RAD51B: variants seen among roughly 807,000 people sequenced by gnomAD.
RAD51B encodes the protein RAD51 paralog B.
A neutral mutation model predicts 42.2 loss-of-function variants in RAD51B; 38 were observed. That is an observed-to-expected ratio of 0.90 (90% CI 0.70 to 1.18). RAD51B has a LOEUF of 1.18. Ranked by LOEUF, RAD51B falls within the 50% of genes most tolerant of loss-of-function variation. The probability of loss-of-function intolerance (pLI) is 0.00; values close to 1 mark genes in which losing one functional copy is unlikely to be tolerated. For missense variants in RAD51B, 373 were observed against 400.7 expected, an observed-to-expected ratio of 0.93 and a Z score of 0.59; for synonymous variants, 154 against 145.2, an observed-to-expected ratio of 1.06 and a Z score of -0.43.
chr14:68,418,903 A>C (rs1465788292), intron 9 of RAD51B, among the ~76,000 whole-genome samples: 1 of 152,236 alleles, frequency 6.6e-6, no homozygotes, highest in East Asian at 1.9e-4. Flanking sequence ...CAAATGAATC[A>C]GCACTTTCAC....
intron 7 of RAD51B, among the ~76,000 whole-genome samples, chr14:68,291,569 A>G (rs1009803904): frequency 1.3e-5 from 2 of 152,344 alleles, no homozygotes; most frequent in East Asian, 1.9e-4. Context: ...TTAGCTGCCT[A>G]TTATTTAACC....
chr14:68,631,710 G>A (rs1892231517), intron 10 of RAD51B, among the ~76,000 whole-genome samples: 1 of 152,172 alleles, frequency 6.6e-6, no homozygotes, highest in Non-Finnish European at 1.5e-5. Flanking sequence ...GGCAGCCTTT[G>A]CACGGTCTGT....
At chr14:68,226,817 A>G (rs932337744) in intron 7 of RAD51B, among the ~76,000 whole-genome samples, 2 of 152,242 alleles carry the variant, frequency 1.3e-5, no homozygotes, top group African/African-American at 2.4e-5. Context: ...GTAGAACCCA[A>G]ATCTCCTGAC....
chr14:68,287,114 C>G (rs1235935924), intron 7 of RAD51B, among the ~76,000 whole-genome samples: 6 of 152,190 alleles, frequency 3.9e-5, no homozygotes, highest in Non-Finnish European at 8.8e-5. Context: ...TGGTTCCCCT[C>G]TATCTCTTTT....
chr14:68,679,634 A>G (rs185572035), intron 11 of RAD51B, among the ~76,000 whole-genome samples: 1 of 152,362 alleles, frequency 6.6e-6, no homozygotes, highest in East Asian at 1.9e-4. Context: ...AGAAGTGATT[A>G]TGGCTTTTCC....
intron 10 of RAD51B, among the ~76,000 whole-genome samples, chr14:68,636,389 C>T (rs566432361): frequency 1.3e-5 from 2 of 152,128 alleles, no homozygotes; most frequent in Non-Finnish European, 2.9e-5. Flanking sequence ...TCGAGACCAG[C>T]CTGGCCAACA....
At chr14:67,837,910 T>G (rs2041300183) in intron 4 of RAD51B, among the ~76,000 whole-genome samples, 1 of 152,222 alleles carries the variant, frequency 6.6e-6, no homozygotes, top group African/African-American at 2.4e-5. Flanking sequence ...CCTGTCTTGC[T>G]ATAATTTTGT....
At chr14:67,981,783 G>A (rs184473451) in intron 7 of RAD51B, among the ~76,000 whole-genome samples, 37 of 152,232 alleles carry the variant, frequency 2.4e-4, no homozygotes, top group Admixed American at 2.0e-3. Flanking sequence ...TAGCAGATGG[G>A]TGGTTACCTA....
intron 8 of RAD51B, among the ~76,000 whole-genome samples, chr14:68,384,426 A>G (rs985698032): frequency 6.6e-6 from 1 of 152,194 alleles, no homozygotes; most frequent in Non-Finnish European, 1.5e-5. Context: ...GCCACCTGGA[A>G]GCAATGACCA....
intron 11 of RAD51B, among the ~76,000 whole-genome samples, chr14:68,676,662 C>T (rs920525748): frequency 1.7e-4 from 26 of 152,352 alleles, no homozygotes; most frequent in African/African-American, 4.8e-5. Flanking sequence ...CCTGCACAGG[C>T]GCTTCTGGAG....
At position 68,252,046 on chromosome 14, in the gene RAD51B, T is replaced by C. The variant is rs929047644; in HGVS notation, c.757-39838T>C. The stretch of plus-strand genomic sequence containing the variant: ...TTTCACAGCCAATAGCCTTTCTTTT[T>C]GAGTCCCTTATTTCTAAAGGGTCTT... On this transcript the variant is annotated intron_variant, in intron 7 of 10. Transcript: ENST00000471583. 4.6e-5 allele frequency among the ~76,000 whole-genome samples: 7 copies of C among 152,332 alleles called. No homozygotes were observed. In the East Asian group the frequency reaches 1.2e-3, roughly 25 times the overall value.
rs2043085464 is a variant in RAD51B, at chr14:67,887,206, TAA to T, written c.756+3_756+4del. ...TTGGCTGAGGAGTTTTCAATCCCAGTAAGTTTTTCTTTTTTTCTCTTTTTTCT... is the reference window on the plus strand; with the variant it reads ...TTGGCTGAGGAGTTTTCAATCCCAGTGTTTTTCTTTTTTTCTCTTTTTTCT... On this transcript the variant is annotated splice_donor_region_variant and intron_variant, in intron 7 of 10. Coordinates refer to ENST00000471583, the MANE Select transcript of RAD51B (RefSeq NM_133510.4). 1 of 1,600,768 alleles carries T rather than the reference TAA, an allele frequency of 6.2e-7. No homozygotes were observed. Among genetic ancestry groups the T allele is most frequent in the South Asian group, 1.1e-5 (1 of 88,062 alleles).
intron 7 of RAD51B, among the ~76,000 whole-genome samples, chr14:68,291,658 G>T (rs1242484840): frequency 6.6e-6 from 1 of 152,192 alleles, no homozygotes; most frequent in Non-Finnish European, 1.5e-5. Flanking sequence ...AAAAAAGTCA[G>T]TCTATTTCCT....
rs532325922 is a variant in RAD51B, at chr14:68,243,887, G to A, written c.757-47997G>A. 9.2e-5 allele frequency among the ~76,000 whole-genome samples: 14 copies of A among 152,234 alleles called. No homozygotes were observed. The South Asian group carries it at 2.9e-3, about 32-fold the overall frequency. The stretch of plus-strand genomic sequence containing the variant: ...TATATGTTGATTTGTAATGAACAGA[G>A]GCTTCCTCTCATTTAATTTTCTGTT... On this transcript the variant is annotated intron_variant, in intron 7 of 10. Transcript: ENST00000471583.
chr14:68,079,311 A>G (rs750500830), intron 7 of RAD51B, among the ~76,000 whole-genome samples: 4 of 152,120 alleles, frequency 2.6e-5, no homozygotes, highest in Non-Finnish European at 5.9e-5. Flanking sequence ...TTTTTATTTC[A>G]TGTGGTCTTG....
chr14:68,546,505 GA>G (rs1888243479), intron 10 of RAD51B, among the ~76,000 whole-genome samples: 1 of 152,208 alleles, frequency 6.6e-6, no homozygotes, highest in East Asian at 1.9e-4. Flanking sequence ...GACAACCATA[GA>G]ATGTTCCACT....
intron 7 of RAD51B, among the ~76,000 whole-genome samples, chr14:67,928,369 A>G (rs2140150744): frequency 6.6e-6 from 1 of 152,258 alleles, no homozygotes; most frequent in East Asian, 1.9e-4. Context: ...GCTCCCCCAT[A>G]CAGAGACAGA....
intron 8 of RAD51B, among the ~76,000 whole-genome samples, chr14:68,393,204 T>G (rs908781420): frequency 3.3e-5 from 5 of 152,180 alleles, no homozygotes; most frequent in African/African-American, 1.2e-4. Flanking sequence ...TATTTAACAA[T>G]AGCAGAGAGT....
At chr14:67,977,607 T>C (rs1235175363) in intron 7 of RAD51B, among the ~76,000 whole-genome samples, 1 of 152,242 alleles carries the variant, frequency 6.6e-6, no homozygotes, top group African/African-American at 2.4e-5. Flanking sequence ...GAATTTACTT[T>C]TATCTTCTCC....
Sources: gnomAD v4.1 joint callset for allele counts (sites outside exome capture counted in the v4.1 genomes callset) on GRCh38, gnomAD v4.1.1 for gene constraint, MANE v1.5 for transcripts, NCBI Gene and HGNC (gene_info 2026-07-23, HGNC 2026-07-21) for gene names.